The following SLCO1B1 variants were observed in gnomAD, a reference collection of about 807,000 sequenced individuals.
SLCO1B1 encodes solute carrier organic anion transporter family member 1B1.
Under a neutral mutation model 70.1 loss-of-function variants are expected in SLCO1B1, and 81 were observed. The ratio of observed to expected loss-of-function variants is 1.16; its 90% confidence interval spans 0.97 to 1.39. The LOEUF is 1.39. Ranked by LOEUF, SLCO1B1 falls within the 40% of genes most tolerant of loss-of-function variation. SLCO1B1 has a pLI of 0.00. For missense variants in SLCO1B1, 895 were observed against 799.6 expected, an observed-to-expected ratio of 1.12 and a Z score of -1.44; for synonymous variants, 283 against 271.5, an observed-to-expected ratio of 1.04 and a Z score of -0.42.
intron 14 of SLCO1B1, among the ~76,000 whole-genome samples, chr12:21,231,348 G>T (rs1230428170): frequency 2.0e-5 from 3 of 152,056 alleles, no homozygotes; most frequent in Non-Finnish European, 4.4e-5. Context: ...GATGCTTTCT[G>T]TTTTAGAAGG....
intron 1 of SLCO1B1, among the ~76,000 whole-genome samples, chr12:21,136,317 G>T (rs1195397233): frequency 6.6e-6 from 1 of 152,044 alleles, no homozygotes; most frequent in Non-Finnish European, 1.5e-5. Flanking sequence ...TCTTGGAGTT[G>T]CTCTTCTCGA....
At chr12:21,173,825 T>C (rs1186818913) in intron 3 of SLCO1B1, among the ~76,000 whole-genome samples, 1 of 144,400 alleles carries the variant, frequency 6.9e-6, no homozygotes, top group Non-Finnish European at 1.5e-5. Context: ...CAGGCTGTAG[T>C]GCAGTGGTGC....
chr12:21,193,788 T>C (rs1397638084), intron 7 of SLCO1B1, among the ~76,000 whole-genome samples: 1 of 152,078 alleles, frequency 6.6e-6, no homozygotes, highest in Non-Finnish European at 1.5e-5. Flanking sequence ...TTCTAAGTCA[T>C]TGCTCTTTTT....
intron 1 of SLCO1B1, among the ~76,000 whole-genome samples, chr12:21,141,270 T>C (rs2121039062): frequency 6.6e-6 from 1 of 151,790 alleles, no homozygotes; most frequent in Non-Finnish European, 1.5e-5. Flanking sequence ...TATTACTTAC[T>C]TGTTTCAAAT....
Position 21,216,452 on chromosome 12 carries a change from A to C in SLCO1B1, c.1498-667A>C, listed in dbSNP as rs1941358555. Among the ~76,000 whole-genome samples, 5 of 152,152 alleles carry C rather than the reference A, an allele frequency of 3.3e-5. No homozygotes were observed. The South Asian group carries it at 8.3e-4, about 25-fold the overall frequency. On this transcript the variant is annotated intron_variant, in intron 11 of 14. Coordinates refer to ENST00000256958, the MANE Select transcript of SLCO1B1 (RefSeq NM_006446.5). ...TTTATTAAAGCCACCTGTCTATATA[A>C]ACTGTTCAACTGATTAAAAATCTGA...
At chr12:21,145,322 T>G (rs1361662717) in intron 2 of SLCO1B1, among the ~76,000 whole-genome samples, 3 of 151,982 alleles carry the variant, frequency 2.0e-5, no homozygotes, top group East Asian at 3.9e-4. Context: ...TTGCTGCACT[T>G]TTTTTGAGAC....
intron 14 of SLCO1B1, among the ~76,000 whole-genome samples, chr12:21,230,349 AG>A (rs1941521943): frequency 2.8e-5 from 1 of 35,576 alleles, no homozygotes; most frequent in African/African-American, 9.4e-5. Flanking sequence ...TTTTTTTTGG[AG>A]ACATAGTTTT....
intron 7 of SLCO1B1, among the ~76,000 whole-genome samples, chr12:21,183,996 CA>C (rs1343493015): frequency 1.3e-5 from 2 of 151,436 alleles, no homozygotes; most frequent in Non-Finnish European, 2.9e-5. Flanking sequence ...AAAAGAATCT[CA>C]GAGCTTAAAA....
In SLCO1B1 at chr12:21,195,251, T is replaced by C. The variant is rs184427328; in HGVS notation, c.728-1695T>C. 7.6e-4 allele frequency among the ~76,000 whole-genome samples: 116 copies of C among 152,312 alleles called. 1 individual carries two copies. Among genetic ancestry groups the C allele is most frequent in the African/African-American group, 2.7e-3 (114 of 41,572 alleles). ...ATTCTTTTTTAAACTGCTATCTTTT[T>C]GTTAGGAACTTTCAGAATCTAGAGT... is the stretch of plus-strand genomic sequence containing the variant. On this transcript the variant is annotated intron_variant, in intron 7 of 14. Transcript: ENST00000256958.
chr12:21,151,183 TATCTG>T (rs912191854), intron 2 of SLCO1B1, among the ~76,000 whole-genome samples: 4 of 152,194 alleles, frequency 2.6e-5, no homozygotes, highest in African/African-American at 4.8e-5. Context: ...TATCTAAACA[TATCTG>T]AGCACAGAAA....
At chr12:21,166,635 C>A (rs1051274187) in intron 2 of SLCO1B1, among the ~76,000 whole-genome samples, 1 of 152,098 alleles carries the variant, frequency 6.6e-6, no homozygotes, top group African/African-American at 2.4e-5. Flanking sequence ...CAAAAATATA[C>A]CAAATACTGG....
intron 2 of SLCO1B1, among the ~76,000 whole-genome samples, chr12:21,146,695 A>G (rs1940387288): frequency 6.6e-6 from 1 of 152,012 alleles, no homozygotes; most frequent in Non-Finnish European, 1.5e-5. Flanking sequence ...TTTGACTCAT[A>G]AGTTACTTAA....
chr12:21,177,532 A>G (rs938485939), intron 5 of SLCO1B1, among the ~76,000 whole-genome samples: 3 of 152,152 alleles, frequency 2.0e-5, no homozygotes, highest in African/African-American at 7.2e-5. Context: ...AAAAATACAT[A>G]GAGACGAGGT....
chr12:21,164,957 T>C, intron 2 of SLCO1B1: 1 of 396,284 alleles, frequency 2.5e-6, no homozygotes, highest in East Asian at 7.7e-5. Context: ...TATGTCTTAT[T>C]TGTTTTTACT....
chr12:21,211,846 C>T (rs978755541), intron 11 of SLCO1B1, among the ~76,000 whole-genome samples: 3 of 151,770 alleles, frequency 2.0e-5, no homozygotes, highest in Non-Finnish European at 4.4e-5. Flanking sequence ...AGTTTATTTG[C>T]GTAGAGGTGT....
At chr12:21,140,227 A>G (rs555135487) in intron 1 of SLCO1B1, among the ~76,000 whole-genome samples, 9 of 152,098 alleles carry the variant, frequency 5.9e-5, no homozygotes, top group Admixed American at 1.3e-4. Context: ...TCAACTGTAC[A>G]TATAATATAT....
At chr12:21,208,457 C>A (rs1941239391) in intron 11 of SLCO1B1, among the ~76,000 whole-genome samples, 1 of 152,044 alleles carries the variant, frequency 6.6e-6, no homozygotes, top group Non-Finnish European at 1.5e-5. Context: ...GGCTTTGCTT[C>A]TGGGTTCTCT....
chr12:21,233,474 T>A (rs1941562679), intron 14 of SLCO1B1, among the ~76,000 whole-genome samples: 1 of 150,546 alleles, frequency 6.6e-6, no homozygotes, highest in African/African-American at 2.4e-5. Context: ...TCTTCTTGAT[T>A]GAAGAGAAAT....
chr12:21,134,867 T>G (rs1940195916), intron 1 of SLCO1B1, among the ~76,000 whole-genome samples: 1 of 152,204 alleles, frequency 6.6e-6, no homozygotes. Context: ...ATTTCTTGCC[T>G]TCTGCTAGCT....
Sources: allele counts gnomAD v4.1 joint callset (sites outside exome capture counted in the v4.1 genomes callset), GRCh38; gene constraint gnomAD v4.1.1; transcripts MANE v1.5; gene names NCBI Gene and HGNC (gene_info 2026-07-23, HGNC 2026-07-21).